The following B3GALT1 variants were observed in gnomAD, a reference collection of about 807,000 sequenced individuals.
The protein encoded by B3GALT1 is beta-1,3-galactosyltransferase 1.
B3GALT1 carries 10 observed loss-of-function variants against 23.2 expected under a neutral mutation model. The observed-to-expected ratio is 0.43, with a 90% CI of 0.27 to 0.73. The LOEUF (loss-of-function observed/expected upper bound fraction) is 0.73. Ranked by LOEUF, B3GALT1 falls within the 30% of genes least tolerant of loss-of-function variation. The probability of loss-of-function intolerance (pLI) is 0.21; values close to 1 mark genes in which losing one functional copy is unlikely to be tolerated. For synonymous variants in B3GALT1, 156 were observed against 141.5 expected, an observed-to-expected ratio of 1.10 and a Z score of -0.73; for missense variants, 299 against 405.4, an observed-to-expected ratio of 0.74 and a Z score of 2.25.
At chr2:167,534,688 A>G (rs1378606129) in intron 2 of B3GALT1, among the ~76,000 whole-genome samples, 3 of 152,214 alleles carry the variant, frequency 2.0e-5, no homozygotes, top group Non-Finnish European at 4.4e-5. Context: ...CCAAGCAACT[A>G]TGACTGTAAA....
intron 2 of B3GALT1, among the ~76,000 whole-genome samples, chr2:167,617,950 T>A (rs1473890923): frequency 6.6e-6 from 1 of 152,080 alleles, no homozygotes; most frequent in Non-Finnish European, 1.5e-5. Context: ...TTTTGTCAGA[T>A]CTTTTGCTGT....
At chr2:167,665,572 G>A (rs1246547206) in intron 3 of B3GALT1, among the ~76,000 whole-genome samples, 4 of 151,514 alleles carry the variant, frequency 2.6e-5, no homozygotes, top group Admixed American at 1.3e-4. Flanking sequence ...GGTAGAATTC[G>A]GCTGTGAGTC....
chr2:167,413,933 A>C (rs1398855254), intron 1 of B3GALT1, among the ~76,000 whole-genome samples: 2 of 152,108 alleles, frequency 1.3e-5, no homozygotes, highest in African/African-American at 4.8e-5. Flanking sequence ...ACCATATACT[A>C]AAGAGCTATG....
chr2:167,824,011 G>A (rs1261102948), intron 4 of B3GALT1, among the ~76,000 whole-genome samples: 1 of 152,240 alleles, frequency 6.6e-6, no homozygotes, highest in Non-Finnish European at 1.5e-5. Context: ...ACTAGGCTGA[G>A]GAAGGGGTGT....
intron 3 of B3GALT1, among the ~76,000 whole-genome samples, chr2:167,757,641 C>A (rs1179703159): frequency 1.3e-5 from 2 of 152,128 alleles, no homozygotes; most frequent in East Asian, 3.8e-4. Context: ...TAGGACAGGA[C>A]TGATCACAAT....
At chr2:167,667,579 G>C (rs1012102769) in intron 3 of B3GALT1, among the ~76,000 whole-genome samples, 10 of 152,276 alleles carry the variant, frequency 6.6e-5, no homozygotes, top group African/African-American at 1.7e-4. Context: ...CCGTCACTTT[G>C]AGGTACACCA....
intron 3 of B3GALT1, among the ~76,000 whole-genome samples, chr2:167,669,727 A>G (rs555467334): frequency 1.3e-5 from 2 of 152,206 alleles, no homozygotes; most frequent in South Asian, 2.1e-4. Flanking sequence ...AAGATAACCA[A>G]TTTTTTTCAT....
At chr2:167,610,675 A>C (rs2105431457) in intron 2 of B3GALT1, among the ~76,000 whole-genome samples, 1 of 152,102 alleles carries the variant, frequency 6.6e-6, no homozygotes, top group Admixed American at 6.6e-5. Flanking sequence ...TGCCTCCTTA[A>C]GTTTAATCCT....
chr2:167,747,631 A>T (rs900578658), intron 3 of B3GALT1, among the ~76,000 whole-genome samples: 1 of 152,232 alleles, frequency 6.6e-6, no homozygotes. Context: ...GTGTGATTTT[A>T]TGTTTAAGTG....
chr2:167,537,854 C>T (rs1683456089), intron 2 of B3GALT1, among the ~76,000 whole-genome samples: 2 of 139,872 alleles, frequency 1.4e-5, no homozygotes, highest in Non-Finnish European at 3.0e-5. Context: ...GACAGAGTCT[C>T]ATTCTGTCGC....
chr2:167,628,977 A>C (rs1165158088), intron 2 of B3GALT1, among the ~76,000 whole-genome samples: 1 of 151,680 alleles, frequency 6.6e-6, no homozygotes, highest in African/African-American at 2.4e-5. Context: ...GAATCTAGCA[A>C]TCTAGGTCAA....
At chr2:167,368,574 A>G (rs2105267680) in intron 1 of B3GALT1, among the ~76,000 whole-genome samples, 1 of 152,334 alleles carries the variant, frequency 6.6e-6, no homozygotes, top group Non-Finnish European at 1.5e-5. Context: ...TTTGCTGTAC[A>G]TGATTCAGGC....
At chr2:167,799,399 A>G (rs1688598825) in intron 3 of B3GALT1, among the ~76,000 whole-genome samples, 1 of 151,998 alleles carries the variant, frequency 6.6e-6, no homozygotes, top group African/African-American at 2.4e-5. Context: ...ACCTTTGTGT[A>G]CCCTTGGCTT....
chr2:167,623,916 A>T (rs775206924), intron 2 of B3GALT1, among the ~76,000 whole-genome samples: 1 of 152,032 alleles, frequency 6.6e-6, no homozygotes, highest in Non-Finnish European at 1.5e-5. Context: ...CAGACAAGTA[A>T]CTATAACACA....
chr2:167,709,084 G>A (rs994573283), intron 3 of B3GALT1, among the ~76,000 whole-genome samples: 2 of 152,196 alleles, frequency 1.3e-5, no homozygotes, highest in South Asian at 2.1e-4. Context: ...ATGCCCTGCT[G>A]TGACCAAGAG....
At chr2:167,653,985 C>G (rs1277830977) in intron 3 of B3GALT1, among the ~76,000 whole-genome samples, 3 of 152,110 alleles carry the variant, frequency 2.0e-5, no homozygotes, top group Non-Finnish European at 2.9e-5. Flanking sequence ...GGATATGGCT[C>G]CAGTTAGACA....
At chr2:167,648,605 A>G (rs556440407) in intron 3 of B3GALT1, among the ~76,000 whole-genome samples, 25 of 152,152 alleles carry the variant, frequency 1.6e-4, no homozygotes, top group African/African-American at 5.3e-4. Flanking sequence ...TTTAACACCA[A>G]ATTATTTTCT....
intron 2 of B3GALT1, among the ~76,000 whole-genome samples, chr2:167,547,775 C>T (rs975630346): frequency 6.6e-6 from 1 of 151,456 alleles, no homozygotes; most frequent in Admixed American, 6.6e-5. Context: ...TCTGACATAT[C>T]TTCCTTGCTT....
chr2:167,797,940 A>G (rs10166416), intron 3 of B3GALT1, among the ~76,000 whole-genome samples: 31,244 of 152,072 alleles, frequency 0.21, 3,739 homozygotes, highest in African/African-American at 0.31. Context: ...TCCTGACCTC[A>G]TGATCCACCC....
Sources: allele counts gnomAD v4.1 joint callset (sites outside exome capture counted in the v4.1 genomes callset), GRCh38; gene constraint gnomAD v4.1.1; transcripts MANE v1.5; gene names NCBI Gene and HGNC (gene_info 2026-07-23, HGNC 2026-07-21).